SVEP1: variants seen among roughly 807,000 people sequenced by gnomAD.
The protein encoded by SVEP1 is sushi, von Willebrand factor type A, EGF and pentraxin domain containing 1, also known as sushi, von Willebrand factor type A, EGF and pentraxin domain-containing protein 1.
SVEP1 carries 164 observed loss-of-function variants against 367.3 expected under a neutral mutation model. The observed-to-expected ratio is 0.45, with a 90% CI of 0.39 to 0.51. The LOEUF (loss-of-function observed/expected upper bound fraction) is 0.51, where lower values mean the gene tolerates loss of function less well. SVEP1 is among the 20% of genes least tolerant of loss of function. The pLI is 0.00. For synonymous variants in SVEP1, 1,666 were observed against 1,611.6 expected (o/e 1.03, Z -0.81); for missense variants, 4,117 against 4,425.3 (o/e 0.93, Z 1.98).
At chr9:110,498,913 T>C (rs1829490199) in intron 7 of SVEP1, 128 bp downstream of exon 7, 3 of 660,096 alleles carry the variant, frequency 4.5e-6, no homozygotes, top group South Asian at 5.0e-5. Context: ...ATAGAGGATA[T>C]TGGGGTAGCA....
intron 9 of SVEP1, among the ~76,000 whole-genome samples, chr9:110,486,637 T>TTC (rs1187661748): frequency 0.028 from 3,957 of 141,864 alleles, 182 homozygotes; most frequent in African/African-American, 0.097. Flanking sequence ...TTCCTTCTCT[T>TTC]TCTCTCTCTC....
At chr9:110,467,736 A>G (rs1020892756) in intron 17 of SVEP1, among the ~76,000 whole-genome samples, 8 of 151,656 alleles carry the variant, frequency 5.3e-5, no homozygotes, top group African/African-American at 1.9e-4. Flanking sequence ...CCCGGGCTCA[A>G]GCAATCCTCC....
rs544738942 is a variant in SVEP1, at chr9:110,443,604, T to A, written c.4580A>T (p.Tyr1527Phe). 1.2e-6 allele frequency: 2 copies of A among 1,613,258 alleles called. No individual in the cohort carries two copies. The highest frequency in any genetic ancestry group is 1.7e-6 in the Non-Finnish European group (2 of 1,179,610). Reference sequence around the variant, plus strand: ...ACCGTCAGATAATTTCCCATCGATATAGACTTTCCAGATGCCATTGGCACT... The same window carrying A: ...ACCGTCAGATAATTTCCCATCGATAAAGACTTTCCAGATGCCATTGGCACT... ...WTSANGIWKVYIDGKLSDGGA... is the reference protein window; with the variant it reads ...WTSANGIWKVFIDGKLSDGGA... Residue 1527 changes from tyrosine (Y) to phenylalanine (F), a missense_variant, in exon 27 of 48, where the codon TAT (tyrosine) becomes TTT (phenylalanine). Transcript: ENST00000374469.
At chr9:110,376,696 TGTAG>T (rs1827355630) in intron 45 of SVEP1, 1 of 152,182 alleles carries the variant, frequency 6.6e-6, no homozygotes, top group Non-Finnish European at 1.5e-5. Flanking sequence ...TGAAATAAAG[TGTAG>T]TTGAGATATT....
intron 5 of SVEP1, among the ~76,000 whole-genome samples, chr9:110,506,396 C>A (rs988154704): frequency 1.3e-5 from 2 of 152,214 alleles, no homozygotes; most frequent in Admixed American, 1.3e-4. Context: ...AGCTTCTGCA[C>A]AGCAAAAGAA....
intron 40 of SVEP1, among the ~76,000 whole-genome samples, chr9:110,390,041 G>GTA (rs201173487): frequency 0.053 from 3,164 of 59,824 alleles, 84 homozygotes; most frequent in African/African-American, 0.079. Context: ...ATATATATAA[G>GTA]TATATATACA....
intron 12 of SVEP1, among the ~76,000 whole-genome samples, chr9:110,480,723 C>G (rs181853440): frequency 1.3e-5 from 2 of 151,922 alleles, no homozygotes; most frequent in African/African-American, 2.4e-5. Flanking sequence ...TCTGAAACTC[C>G]AGGGCTCAAG....
intron 36 of SVEP1, among the ~76,000 whole-genome samples, chr9:110,415,790 T>A (rs573272869): frequency 6.6e-6 from 1 of 152,028 alleles, no homozygotes; most frequent in South Asian, 2.1e-4. Flanking sequence ...AATTTCCATG[T>A]GCCAGAAATG....
At position 110,431,979 on chromosome 9, in the gene SVEP1, G is replaced by C; in HGVS notation, c.5289C>G (p.Asn1763Lys). Residue 1763 changes from asparagine to lysine, a missense_variant, in exon 32 of 48, where the codon AAC (asparagine) becomes AAG (lysine). This residue lies in a region of SVEP1 where 2,174 missense variants were observed against 2,494.3 expected (regional missense o/e 0.87). Transcript: ENST00000374469. ...SDCSEHASCL[N>K]VDGSYICSCV... ...ATGAACATATGTAGGATCCATCTAC[G>C]TTCAGGCAAGAAGCATGCTCACTAC... is the stretch of plus-strand genomic sequence containing the variant. 4 of 1,613,468 alleles carry C rather than the reference G, an allele frequency of 2.5e-6. No individual in the cohort carries two copies. The highest frequency in any genetic ancestry group is 3.4e-6 in the Non-Finnish European group (4 of 1,179,680).
rs1264079670 is a variant in SVEP1 at position 110,481,301 on chromosome 9, CAAT to C, written c.2303_2305del (p.Tyr768del). 2 of 1,610,774 alleles carry C rather than the reference CAAT, an allele frequency of 1.2e-6. No homozygotes were observed. Among genetic ancestry groups the C allele is most frequent in the Non-Finnish European group, 8.5e-7 (1 of 1,178,520 alleles). ...TTTCCAGACGCCATCTTCATAAGCA[CAAT>C]AATACTTGTCAGTAGACCCTTCTGT... On this transcript the variant is annotated inframe_deletion, in exon 12 of 48. Transcript: ENST00000374469.
chr9:110,553,549 G>C (rs770419643), intron 1 of SVEP1, among the ~76,000 whole-genome samples: 1 of 152,044 alleles, frequency 6.6e-6, no homozygotes, highest in Non-Finnish European at 1.5e-5. Context: ...GAGAGGCAAG[G>C]GCTAGAGATG....
chr9:110,477,350 C>T (rs556189820), intron 13 of SVEP1, among the ~76,000 whole-genome samples: 1 of 152,288 alleles, frequency 6.6e-6, no homozygotes, highest in East Asian at 1.9e-4. Flanking sequence ...CATGCCTCTT[C>T]CTCAATTTGT....
At chr9:110,405,666 C>A (rs987619874) in intron 38 of SVEP1, among the ~76,000 whole-genome samples, 11 of 152,072 alleles carry the variant, frequency 7.2e-5, no homozygotes, top group African/African-American at 2.2e-4. Flanking sequence ...ATTATGAATA[C>A]CTACTTTGTG....
chr9:110,430,054 A>C (rs1828326295), intron 33 of SVEP1, 50 bp from the exon 34 acceptor site: 1 of 1,573,734 alleles, frequency 6.4e-7, no homozygotes, highest in Non-Finnish European at 8.7e-7. Flanking sequence ...TGTGTGCAAA[A>C]ATCTTTGAAA....
intron 28 of SVEP1, among the ~76,000 whole-genome samples, chr9:110,435,909 C>G (rs73655347): frequency 0.025 from 3,765 of 152,146 alleles, 149 homozygotes; most frequent in African/African-American, 0.086. Flanking sequence ...ATAACATGTT[C>G]AAAATCATCA....
chr9:110,414,528 A>G (rs922934991), intron 36 of SVEP1, among the ~76,000 whole-genome samples: 1 of 152,096 alleles, frequency 6.6e-6, no homozygotes, highest in Admixed American at 6.5e-5. Context: ...ATAATAGCCT[A>G]TCAATATCAC....
At chr9:110,535,615 T>C (rs775592380) in intron 3 of SVEP1, among the ~76,000 whole-genome samples, 2 of 152,096 alleles carry the variant, frequency 1.3e-5, no homozygotes, top group African/African-American at 2.4e-5. Context: ...ATGGCCATAG[T>C]AATACTGATT....
In SVEP1 at chr9:110,385,930, T is replaced by C; in HGVS notation, c.10205A>G (p.Glu3402Gly). The change falls in exon 43 of 48, where the codon GAG becomes GGG. Residue 3402 changes from glutamate (E) to glycine (G), a missense_variant. This residue lies in a region of SVEP1 where 1,765 missense variants were observed against 1,781.1 expected (regional missense o/e 0.99). Transcript: ENST00000374469. ...GHGIITCNPD[E>G]TWTQTSAKCE... ...TTTGGCGCTTGTCTGTGTCCACGTC[T>C]CGTCGGGGTTGCAGGTAATGATGCC... is the stretch of plus-strand genomic sequence containing the variant. The C allele has an allele frequency of 1.2e-6, 2 of 1,613,906 alleles. No homozygotes were observed. The highest frequency in any genetic ancestry group is 1.7e-6 in the Non-Finnish European group (2 of 1,179,834).
chr9:110,459,758 C>T (rs1460132461), intron 18 of SVEP1, among the ~76,000 whole-genome samples: 1 of 152,070 alleles, frequency 6.6e-6, no homozygotes, highest in East Asian at 1.9e-4. Flanking sequence ...CTTTTCACTA[C>T]ATGCTCTTCA....
Sources: gnomAD v4.1 joint callset for allele counts (sites outside exome capture counted in the v4.1 genomes callset) on GRCh38, gnomAD v4.1.1 for gene constraint, gnomAD v4.1.1 regional missense constraint, MANE v1.5 for transcripts, NCBI Gene and HGNC (gene_info 2026-07-23, HGNC 2026-07-21) for gene names.